Variants in CFAP77 observed in about 807,000 individuals in gnomAD.
CFAP77 encodes cilia- and flagella-associated protein 77.
CFAP77 carries 25 observed loss-of-function variants against 31.1 expected under a neutral mutation model. The observed-to-expected ratio is 0.80, with a 90% CI of 0.59 to 1.12. The LOEUF is 1.12. Ranked by LOEUF, CFAP77 falls within the 50% of genes most tolerant of loss-of-function variation. CFAP77 has a pLI of 0.00. For synonymous variants in CFAP77, 151 were observed against 159.9 expected (o/e 0.94, Z 0.42); for missense variants, 377 against 397.3 (o/e 0.95, Z 0.44).
intron 3 of CFAP77, among the ~76,000 whole-genome samples, chr9:132,531,372 CCG>C (rs1411259498): frequency 6.6e-6 from 1 of 152,194 alleles, no homozygotes; most frequent in Non-Finnish European, 1.5e-5. Context: ...TGAGCGCCCC[CCG>C]CGTGGGAGGG....
At chr9:132,451,789 CT>C (rs1339029973) in intron 1 of CFAP77, among the ~76,000 whole-genome samples, 6 of 150,918 alleles carry the variant, frequency 4.0e-5, no homozygotes, top group Non-Finnish European at 8.9e-5. Context: ...AGGAGATTTT[CT>C]TTTTTCTTTT....
chr9:132,524,885 T>G (rs1290048965), intron 3 of CFAP77, among the ~76,000 whole-genome samples: 1 of 149,012 alleles, frequency 6.7e-6, no homozygotes, highest in African/African-American at 2.4e-5. Flanking sequence ...CCTGACCTCA[T>G]GATCCTCCCG....
In CFAP77 at chr9:132,490,896, C is replaced by T. The variant is rs540217799; in HGVS notation, c.196-7799C>T. On this transcript the variant is annotated intron_variant, in intron 1 of 5. Coordinates refer to ENST00000393216, the MANE Select transcript of CFAP77 (RefSeq NM_001282957.2). The surrounding 1 kb of genome is among the most constrained non-coding windows in gnomAD (Gnocchi z 4.6). ...CTGCATGGCGTCTGCGTGTTCTCCC[C>T]GTGTCTGTGTGGGTTTTTCTCCAGG... Among the ~76,000 whole-genome samples, 12 of 152,300 alleles carry T rather than the reference C, an allele frequency of 7.9e-5. No individual in the cohort carries two copies. The highest frequency in any genetic ancestry group is 3.9e-4 in the East Asian group (2 of 5,178).
At chr9:132,423,459 C>A (rs1165379842) in intron 1 of CFAP77, among the ~76,000 whole-genome samples, 1 of 152,210 alleles carries the variant, frequency 6.6e-6, no homozygotes, top group East Asian at 1.9e-4. Flanking sequence ...GGGCACTGTG[C>A]CTCTCCCTTA....
intron 1 of CFAP77, among the ~76,000 whole-genome samples, chr9:132,442,944 C>T (rs1456918297): frequency 3.3e-5 from 5 of 152,140 alleles, no homozygotes; most frequent in African/African-American, 7.2e-5. Context: ...CAGAAGAACA[C>T]CCCAAAACCT....
intron 1 of CFAP77, among the ~76,000 whole-genome samples, chr9:132,457,243 G>A (rs1352031053): frequency 7.4e-6 from 1 of 134,408 alleles, no homozygotes; most frequent in African/African-American, 2.8e-5. Context: ...TCGCTCCCAC[G>A]CATGCCCGCC....
intron 3 of CFAP77, chr9:132,513,431 C>T (rs2118999206): frequency 7.0e-7 from 1 of 1,436,664 alleles, no homozygotes; most frequent in African/African-American, 1.4e-5. Flanking sequence ...GCACACCTTC[C>T]TAGCCTCAGC....
chr9:132,559,831 A>G (rs1312229341), intron 5 of CFAP77, among the ~76,000 whole-genome samples: 1 of 152,256 alleles, frequency 6.6e-6, no homozygotes, highest in African/African-American at 2.4e-5. Flanking sequence ...ATACAAAGGA[A>G]TACTATTCCC....
rs1852674018 is a variant in CFAP77 at position 132,543,102 on chromosome 9, C to A, written c.732+55C>A. The A allele has an allele frequency of 3.9e-5, 56 of 1,444,604 alleles. 2 individuals carry two copies. In the South Asian group the frequency reaches 6.4e-4, roughly 17 times the overall value. The allele number at this position is 1,444,604 out of a possible 1,614,324, so 89.5% of individuals were successfully genotyped here. A position where few individuals can be genotyped will look rare whatever the true frequency, so the allele number is the denominator to read the frequency against. On this transcript the variant is annotated intron_variant, in intron 5 of 5. Transcript: ENST00000393216. ...CTGCACCTTGCTGGCTGCCGCTCAC[C>A]TTGCCAGGTCCTTACCTGCTGTCTC...
intron 1 of CFAP77, among the ~76,000 whole-genome samples, chr9:132,438,391 T>C (rs1367955328): frequency 6.6e-6 from 1 of 151,102 alleles, no homozygotes; most frequent in Admixed American, 6.6e-5. Context: ...GAGACTGATT[T>C]TGTATACCAT....
intron 1 of CFAP77, among the ~76,000 whole-genome samples, chr9:132,432,839 G>T (rs1055408566): frequency 2.0e-5 from 3 of 152,036 alleles, no homozygotes; most frequent in African/African-American, 7.2e-5. Flanking sequence ...TTAGCCTCCC[G>T]AGTAGCTGGG....
intron 1 of CFAP77, among the ~76,000 whole-genome samples, chr9:132,426,064 G>A (rs566167629): frequency 3.9e-5 from 6 of 152,204 alleles, no homozygotes; most frequent in African/African-American, 7.2e-5. Context: ...CGAGACCCCC[G>A]CCCGCCTCCC....
Position 132,479,301 on chromosome 9 carries a change from C to T in CFAP77, c.196-19394C>T, listed in dbSNP as rs1039264235. On this transcript the variant is annotated intron_variant, in intron 1 of 5. Transcript: ENST00000393216. ...GCTCAGCCATCTTTTGCCCTGGGTA[C>T]CCTCAGGGAGCTCAGACCTTTTCCC... Among the ~76,000 whole-genome samples the T allele has an allele frequency of 8.5e-5, 13 of 152,300 alleles. No homozygotes were observed. In the East Asian group the frequency reaches 2.5e-3, roughly 29 times the overall value.
At chr9:132,462,765 G>A (rs1393259685) in intron 1 of CFAP77, among the ~76,000 whole-genome samples, 1 of 152,028 alleles carries the variant, frequency 6.6e-6, no homozygotes, top group Non-Finnish European at 1.5e-5. Context: ...GCAGTGAGCC[G>A]AGGTCGTGCC....
chr9:132,500,396 T>C (rs905063455), intron 3 of CFAP77, among the ~76,000 whole-genome samples: 38 of 152,140 alleles, frequency 2.5e-4, no homozygotes, highest in African/African-American at 8.9e-4. Context: ...GTAATGCATA[T>C]AAAAACCTGA....
intron 1 of CFAP77, among the ~76,000 whole-genome samples, chr9:132,446,719 C>G (rs548730104): frequency 7.8e-6 from 1 of 128,876 alleles, no homozygotes; most frequent in Non-Finnish European, 1.6e-5. Context: ...CCAGCCTGGG[C>G]GACAGAGCAA....
rs184079191 is a variant in CFAP77, at chr9:132,473,059, G to A, written c.196-25636G>A. ...GCTTCCACTCACAGCGGGAAGCAAA[G>A]GGGAGCCGGGGTGTGCAGGGACCCC... On this transcript the variant is annotated intron_variant, in intron 1 of 5. Coordinates refer to ENST00000393216, the MANE Select transcript of CFAP77 (RefSeq NM_001282957.2). Among the ~76,000 whole-genome samples, 3 of 152,270 alleles carry A rather than the reference G, an allele frequency of 2.0e-5. No homozygotes were observed. In the East Asian group the frequency reaches 5.8e-4, roughly 29 times the overall value.
chr9:132,537,768 C>A, intron 4 of CFAP77, 62 bp downstream of exon 4: 2 of 1,289,688 alleles, frequency 1.6e-6, no homozygotes, highest in East Asian at 2.3e-5. Context: ...GAAGGGCTGG[C>A]CAGGGCCAAG....
Position 132,499,048 on chromosome 9 carries a change from G to A in CFAP77, c.295+254G>A, listed in dbSNP as rs111861457. On this transcript the variant is annotated intron_variant, in intron 2 of 5. Transcript: ENST00000393216. This position sits in a 1 kb window ranked among gnomAD's most constrained non-coding sequence, Gnocchi z 5.4. ...CGCACCGCCCCCCTTCCCCGCCGCC[G>A]GCAGGGACTGTGTGCACTATGCTGC... 3.1e-4 allele frequency among the ~76,000 whole-genome samples: 47 copies of A among 152,226 alleles called. No individual in the cohort carries two copies. The highest frequency in any genetic ancestry group is 1.1e-3 in the African/African-American group (44 of 41,530).
Sources: gnomAD v4.1 joint callset for allele counts (sites outside exome capture counted in the v4.1 genomes callset) on GRCh38, gnomAD v4.1.1 for gene constraint, Gnocchi (gnomAD v3.1) non-coding constraint, MANE v1.5 for transcripts, NCBI Gene and HGNC (gene_info 2026-07-23, HGNC 2026-07-21) for gene names.